NLN: variants seen among roughly 807,000 people sequenced by gnomAD.
NLN encodes the protein neurolysin, mitochondrial.
In NLN, 64 loss-of-function variants were observed where a neutral mutation model predicts 79.9. The ratio of observed to expected loss-of-function variants is 0.80; its 90% CI spans 0.65 to 0.99. The LOEUF is 0.99. NLN is among the 50% of genes least tolerant of loss of function. The pLI is 0.00. For synonymous variants in NLN, 267 were observed against 296.6 expected (o/e 0.90, Z 1.02); for missense variants, 835 against 858.7 (o/e 0.97, Z 0.34).
intron 9 of NLN, among the ~76,000 whole-genome samples, chr5:65,794,057 A>G (rs1346758461): frequency 6.6e-6 from 1 of 152,252 alleles, no homozygotes; most frequent in African/African-American, 2.4e-5. Context: ...ATGCTTGGAT[A>G]TGACTATGCA....
At chr5:65,805,770 C>T (rs1760398303) in intron 9 of NLN, among the ~76,000 whole-genome samples, 1 of 152,226 alleles carries the variant, frequency 6.6e-6, no homozygotes, top group Non-Finnish European at 1.5e-5. Flanking sequence ...GACAGATCTT[C>T]CATGTAGATG....
chr5:65,724,270 C>T (rs1758404133), intron 1 of NLN, among the ~76,000 whole-genome samples: 1 of 152,130 alleles, frequency 6.6e-6, no homozygotes, highest in Non-Finnish European at 1.5e-5. Flanking sequence ...TACTTCCTCC[C>T]CCAATCCCTG....
chr5:65,769,871 C>A (rs1381548156), intron 3 of NLN, among the ~76,000 whole-genome samples: 1 of 152,172 alleles, frequency 6.6e-6, no homozygotes, highest in Non-Finnish European at 1.5e-5. Flanking sequence ...ATGTTTGATT[C>A]TATTTTGCAC....
In NLN at chr5:65,829,051, C is replaced by T. The variant is rs544818142; in HGVS notation, c.*6136C>T. ...GACTGTTAGAGAATGAGTAAACGTT[C>T]GTTTTCCTCCCTACAGAATTTACAG... On this transcript the variant is annotated 3_prime_UTR_variant, in exon 13 of 13. Transcript: ENST00000380985. The T allele has an allele frequency of 1.1e-4, 17 of 152,196 alleles. No individual in the cohort carries two copies. Among genetic ancestry groups the T allele is most frequent in the African/African-American group, 3.1e-4 (13 of 41,520 alleles). 9.4% of individuals were successfully genotyped at this position (152,196 alleles called of 1,614,324 possible).
intron 1 of NLN, chr5:65,740,806 A>G (rs1271648509): frequency 7.2e-6 from 1 of 138,736 alleles, no homozygotes; most frequent in African/African-American, 2.6e-5. Context: ...TGGTTACTAT[A>G]GCTTTGTTAT....
chr5:65,780,108 G>A (rs1579944735), intron 4 of NLN, 71 bp from the exon 5 acceptor site: 1 of 700,980 alleles, frequency 1.4e-6, no homozygotes, highest in East Asian at 2.8e-5. Flanking sequence ...TTACAGGTGT[G>A]GGCCACCGTG....
At chr5:65,732,652 G>A (rs1348008764) in intron 1 of NLN, among the ~76,000 whole-genome samples, 4 of 143,840 alleles carry the variant, frequency 2.8e-5, no homozygotes, top group East Asian at 2.0e-4. Context: ...ACGCGGGCAC[G>A]TCAGGGAACC....
At chr5:65,777,387 C>G (rs771061820) in intron 3 of NLN, 40 bp from the exon 4 acceptor site, 14 of 1,289,722 alleles carry the variant, frequency 1.1e-5, no homozygotes, top group Non-Finnish European at 1.6e-5. Flanking sequence ...TACCTGTGCA[C>G]TGTTTCAACC....
intron 1 of NLN, among the ~76,000 whole-genome samples, chr5:65,724,165 A>G (rs1382361714): frequency 3.5e-5 from 5 of 142,836 alleles, no homozygotes; most frequent in African/African-American, 5.2e-5. Context: ...TTTTAAGTGT[A>G]CAATTGAGAG....
intron 3 of NLN, among the ~76,000 whole-genome samples, chr5:65,770,723 G>A (rs940451875): frequency 6.6e-6 from 1 of 152,178 alleles, no homozygotes; most frequent in Non-Finnish European, 1.5e-5. Context: ...TATTGAACAA[G>A]TGTTCATAGC....
At chr5:65,796,054 G>A (rs1161941003) in intron 9 of NLN, among the ~76,000 whole-genome samples, 6 of 152,070 alleles carry the variant, frequency 3.9e-5, no homozygotes, top group Admixed American at 3.3e-4. Context: ...AATTCCAAAA[G>A]GCTCACAGAC....
At chr5:65,772,580 G>A (rs1329387984) in intron 3 of NLN, among the ~76,000 whole-genome samples, 1 of 152,188 alleles carries the variant, frequency 6.6e-6, no homozygotes, top group Non-Finnish European at 1.5e-5. Context: ...AAATGTCATG[G>A]ACTGGGGCAG....
intron 1 of NLN, among the ~76,000 whole-genome samples, chr5:65,728,736 C>A (rs1579903348): frequency 1.3e-5 from 2 of 152,072 alleles, no homozygotes; most frequent in East Asian, 3.9e-4. Flanking sequence ...AACAAAAATT[C>A]AGGAGTTGTG....
chr5:65,738,360 G>T (rs1288276560), intron 1 of NLN, among the ~76,000 whole-genome samples: 3 of 151,990 alleles, frequency 2.0e-5, no homozygotes, highest in Non-Finnish European at 4.4e-5. Flanking sequence ...GAGGCAGGAG[G>T]ATTGCAGGAG....
At chr5:65,757,291 A>C (rs1315241138) in intron 1 of NLN, among the ~76,000 whole-genome samples, 1 of 152,202 alleles carries the variant, frequency 6.6e-6, no homozygotes, top group Non-Finnish European at 1.5e-5. Context: ...GGATCCTGTA[A>C]GATAATAGAA....
intron 8 of NLN, among the ~76,000 whole-genome samples, chr5:65,789,236 T>G (rs1760004319): frequency 6.6e-6 from 1 of 152,222 alleles, no homozygotes. Context: ...ATGTCTGGCA[T>G]CATCATTTAC....
At chr5:65,728,795 T>C (rs1258759766) in intron 1 of NLN, among the ~76,000 whole-genome samples, 1 of 152,208 alleles carries the variant, frequency 6.6e-6, no homozygotes, top group Non-Finnish European at 1.5e-5. Context: ...AATTTATTTA[T>C]ATGGAAAATC....
At chr5:65,808,543 CT>C (rs750499657) in intron 9 of NLN, among the ~76,000 whole-genome samples, 15 of 152,182 alleles carry the variant, frequency 9.9e-5, no homozygotes, top group Non-Finnish European at 4.4e-5. Context: ...GTTTGAAGGA[CT>C]GTGTGAAGGT....
intron 8 of NLN, among the ~76,000 whole-genome samples, chr5:65,791,699 G>GC (rs1760063864): frequency 6.6e-6 from 1 of 151,276 alleles, no homozygotes; most frequent in Non-Finnish European, 1.5e-5. Flanking sequence ...CTCCAGCCTG[G>GC]ATGACAGAGC....
Sources: gnomAD v4.1 joint callset for allele counts (sites outside exome capture counted in the v4.1 genomes callset) on GRCh38, gnomAD v4.1.1 for gene constraint, MANE v1.5 for transcripts, NCBI Gene and HGNC (gene_info 2026-07-23, HGNC 2026-07-21) for gene names.